The following KCNH1 variants were observed in gnomAD, a reference collection of about 807,000 sequenced individuals.
The protein encoded by KCNH1 is potassium voltage-gated channel subfamily H member 1.
Under a neutral mutation model 69.2 loss-of-function variants are expected in KCNH1, and 27 were observed. That is an observed-to-expected ratio of 0.39 (90% CI 0.29 to 0.54). The LOEUF (loss-of-function observed/expected upper bound fraction) is 0.54, where lower values mean the gene tolerates loss of function less well. Ranked by LOEUF, KCNH1 falls within the 20% of genes least tolerant of loss-of-function variation. The pLI, the probability that KCNH1 is intolerant of heterozygous loss-of-function variation, is 0.68. For synonymous variants in KCNH1, 456 were observed against 487.7 expected (o/e 0.93, Z 0.86); for missense variants, 798 against 1,261.6 (o/e 0.63, Z 5.57).
chr1:210,881,382 T>C (rs1686490746), intron 7 of KCNH1, among the ~76,000 whole-genome samples: 1 of 152,212 alleles, frequency 6.6e-6, no homozygotes, highest in Non-Finnish European at 1.5e-5. Context: ...TGTGGTAAGA[T>C]TCTGGAACTA....
At chr1:210,953,640 A>C (rs1688105950) in intron 6 of KCNH1, among the ~76,000 whole-genome samples, 1 of 152,142 alleles carries the variant, frequency 6.6e-6, no homozygotes, top group Admixed American at 6.5e-5. Context: ...ATAAATAGAA[A>C]TTCAGGATTC....
chr1:210,733,251 T>C (rs1682788616), intron 10 of KCNH1, among the ~76,000 whole-genome samples: 2 of 152,162 alleles, frequency 1.3e-5, no homozygotes, highest in Non-Finnish European at 2.9e-5. Context: ...CTCAATCAAA[T>C]GAGCTTAGGT....
chr1:210,988,624 G>A (rs116634154), intron 6 of KCNH1, among the ~76,000 whole-genome samples: 1,842 of 152,260 alleles, frequency 0.012, 40 homozygotes, highest in African/African-American at 0.042. Context: ...ATTGCCCCAA[G>A]ACCTAATAAA....
At chr1:210,705,583 AGAAAAG>A (rs1681888237) in intron 10 of KCNH1, among the ~76,000 whole-genome samples, 1 of 152,200 alleles carries the variant, frequency 6.6e-6, no homozygotes, top group Non-Finnish European at 1.5e-5. Flanking sequence ...TAGCCAAAAA[AGAAAAG>A]AGGCTAAAAC....
At chr1:210,862,169 G>T in intron 7 of KCNH1, 2 of 1,350,248 alleles carry the variant, frequency 1.5e-6, no homozygotes, top group Non-Finnish European at 2.1e-6. Flanking sequence ...ATCTGGAGCA[G>T]CGTTGAGACA....
At chr1:210,796,120 A>T (rs1182578578) in intron 9 of KCNH1, among the ~76,000 whole-genome samples, 1 of 148,636 alleles carries the variant, frequency 6.7e-6, no homozygotes, top group Non-Finnish European at 1.5e-5. Context: ...ATGCCACTGC[A>T]CTCCAGCCTG....
intron 6 of KCNH1, among the ~76,000 whole-genome samples, chr1:210,959,804 C>G (rs1300285000): frequency 6.6e-6 from 1 of 152,238 alleles, no homozygotes; most frequent in Non-Finnish European, 1.5e-5. Context: ...CTTCCAGGGA[C>G]AGTCTGTCAT....
intron 6 of KCNH1, among the ~76,000 whole-genome samples, chr1:210,922,405 A>C (rs1409745249): frequency 3.7e-3 from 137 of 36,656 alleles, no homozygotes; most frequent in East Asian, 8.9e-3. Flanking sequence ...AAAAAAAAAA[A>C]AAAAAAAAAA....
At chr1:211,094,162 A>G (rs138153665) in intron 3 of KCNH1, among the ~76,000 whole-genome samples, 1,689 of 152,276 alleles carry the variant, frequency 0.011, 15 homozygotes, top group Non-Finnish European at 0.015. Context: ...TGATTTCAGG[A>G]TTAAACTGCT....
chr1:211,129,418 T>C (rs2102504726), intron 1 of KCNH1, among the ~76,000 whole-genome samples: 1 of 152,338 alleles, frequency 6.6e-6, no homozygotes, highest in South Asian at 2.1e-4. Flanking sequence ...TCTATTCTTT[T>C]AAGATAGATT....
At chr1:211,073,232 T>C (rs1043818340) in intron 5 of KCNH1, among the ~76,000 whole-genome samples, 3 of 152,086 alleles carry the variant, frequency 2.0e-5, no homozygotes, top group African/African-American at 4.8e-5. Flanking sequence ...CAGGAAAAAA[T>C]TGATACAACT....
intron 3 of KCNH1, among the ~76,000 whole-genome samples, chr1:211,098,702 A>G (rs1394185331): frequency 6.6e-6 from 1 of 152,252 alleles, no homozygotes; most frequent in African/African-American, 2.4e-5. Flanking sequence ...TAGGATATAT[A>G]GGCAAAGAAT....
At chr1:211,002,784 A>C (rs1689213014) in intron 6 of KCNH1, among the ~76,000 whole-genome samples, 1 of 152,160 alleles carries the variant, frequency 6.6e-6, no homozygotes, top group Non-Finnish European at 1.5e-5. Context: ...ATGGGAAGAG[A>C]AAAGGTTAAA....
At chr1:210,918,433 A>T (rs187312558) in intron 7 of KCNH1, among the ~76,000 whole-genome samples, 1 of 152,358 alleles carries the variant, frequency 6.6e-6, no homozygotes, top group African/African-American at 2.4e-5. Flanking sequence ...TGCACTTGGC[A>T]GTTTCACAAT....
intron 10 of KCNH1, among the ~76,000 whole-genome samples, chr1:210,735,663 C>A (rs1478894395): frequency 6.6e-6 from 1 of 152,106 alleles, no homozygotes; most frequent in Admixed American, 6.5e-5. Context: ...ATATGTTGAT[C>A]ACAATGGATG....
chr1:210,813,642 A>G (rs1487038412), intron 7 of KCNH1, among the ~76,000 whole-genome samples: 3 of 152,216 alleles, frequency 2.0e-5, no homozygotes, highest in Non-Finnish European at 4.4e-5. Flanking sequence ...GATAGTGTTT[A>G]TATTGGCATG....
At chr1:210,938,312 TA>T (rs1191453472) in intron 6 of KCNH1, among the ~76,000 whole-genome samples, 7 of 152,238 alleles carry the variant, frequency 4.6e-5, no homozygotes, top group Non-Finnish European at 1.0e-4. Context: ...TCTATACATA[TA>T]ATATCTCTAG....
intron 6 of KCNH1, among the ~76,000 whole-genome samples, chr1:210,946,686 C>T (rs1406146514): frequency 1.3e-5 from 2 of 152,164 alleles, no homozygotes; most frequent in Non-Finnish European, 2.9e-5. Flanking sequence ...GGCCTGGCCC[C>T]TGCCTGCTCC....
At chr1:210,738,411 G>A (rs1397244207) in intron 10 of KCNH1, among the ~76,000 whole-genome samples, 1 of 152,140 alleles carries the variant, frequency 6.6e-6, no homozygotes, top group Non-Finnish European at 1.5e-5. Context: ...CTAAAGCTGG[G>A]CACATGACTC....
Sources: gnomAD v4.1 joint callset for allele counts (sites outside exome capture counted in the v4.1 genomes callset) on GRCh38, gnomAD v4.1.1 for gene constraint, MANE v1.5 for transcripts, NCBI Gene and HGNC (gene_info 2026-07-23, HGNC 2026-07-21) for gene names.